The following ODAD1 variants were observed in gnomAD, a reference collection of about 807,000 sequenced individuals.
ODAD1 encodes the protein outer dynein arm-docking complex subunit 1.
In ODAD1, 49 loss-of-function variants were observed where a neutral mutation model predicts 67.2. The observed-to-expected ratio is 0.73, with a 90% CI of 0.58 to 0.92. The LOEUF (loss-of-function observed/expected upper bound fraction) is 0.92, where lower values mean the gene tolerates loss of function less well. Among genes scored for constraint, ODAD1 ranks in the 40% least tolerant of loss-of-function variants. ODAD1 has a pLI of 0.00. For missense variants in ODAD1, 897 were observed against 953.7 expected, an observed-to-expected ratio of 0.94 and a Z score of 0.78; for synonymous variants, 345 against 393.7, an observed-to-expected ratio of 0.88 and a Z score of 1.46.
At chr19:48,309,367 C>T (rs1042012099) in intron 7 of ODAD1, among the ~76,000 whole-genome samples, 7 of 152,198 alleles carry the variant, frequency 4.6e-5, no homozygotes, top group Admixed American at 1.3e-4. Flanking sequence ...CATGGCCACC[C>T]ATGGAGCTAC....
At chr19:48,307,133 G>A (rs559511497) in intron 7 of ODAD1, among the ~76,000 whole-genome samples, 17 of 151,508 alleles carry the variant, frequency 1.1e-4, no homozygotes, top group Admixed American at 9.2e-4. Context: ...GTGGTGAGCC[G>A]AGATCGTGCC....
In ODAD1 at chr19:48,317,610, G is replaced by C. The variant is rs553993100; in HGVS notation, c.360+777C>G. ...GTCCTGTTTTTGAATGCCTGGGACT[G>C]TGCTAAAGCAGCAAACATCTATGTT... is the stretch of plus-strand genomic sequence containing the variant. On this transcript the variant is annotated intron_variant, in intron 5 of 15. Transcript: ENST00000674294. Among the ~76,000 whole-genome samples the C allele has an allele frequency of 7.2e-5, 11 of 152,138 alleles. No homozygotes were observed. The South Asian group carries it at 2.3e-3, about 32-fold the overall frequency.
intron 5 of ODAD1, among the ~76,000 whole-genome samples, chr19:48,317,993 A>C (rs981446230): frequency 6.6e-6 from 1 of 151,822 alleles, no homozygotes; most frequent in Non-Finnish European, 1.5e-5. Context: ...GAATAGCATG[A>C]ACCTGGGAGG....
At chr19:48,302,184 A>C (rs1968481932) in intron 12 of ODAD1, among the ~76,000 whole-genome samples, 2 of 148,256 alleles carry the variant, frequency 1.3e-5, no homozygotes, top group African/African-American at 5.0e-5. Flanking sequence ...AGAACAGATG[A>C]AGGAACAGAC....
intron 8 of ODAD1, among the ~76,000 whole-genome samples, chr19:48,305,491 G>T (rs561868806): frequency 6.8e-6 from 1 of 148,066 alleles, no homozygotes; most frequent in African/African-American, 2.5e-5. Context: ...TGCAACCTCC[G>T]CCCCCAGGGC....
intron 12 of ODAD1, among the ~76,000 whole-genome samples, chr19:48,300,749 C>T (rs956904440): frequency 1.3e-5 from 2 of 152,086 alleles, no homozygotes; most frequent in South Asian, 2.1e-4. Flanking sequence ...ATGGCCAATA[C>T]GATGCTCAAT....
At chr19:48,307,686 G>A (rs8101250) in intron 7 of ODAD1, among the ~76,000 whole-genome samples, 4 of 151,770 alleles carry the variant, frequency 2.6e-5, no homozygotes, top group Non-Finnish European at 5.9e-5. Context: ...GTGGTGGCAG[G>A]TGCCTGTAGT....
chr19:48,308,938 G>A (rs539807072), intron 7 of ODAD1, among the ~76,000 whole-genome samples: 10 of 151,844 alleles, frequency 6.6e-5, no homozygotes, highest in African/African-American at 2.4e-4. Context: ...AGCAGCCGGG[G>A]ACAAGCGAGG....
chr19:48,298,470 A>G, intron 12 of ODAD1, 130 bp from the exon 13 acceptor site: 1 of 899,292 alleles, frequency 1.1e-6, no homozygotes, highest in Non-Finnish European at 1.7e-6. Flanking sequence ...AAAGGGAGTC[A>G]CCCGAGCTCA....
intron 12 of ODAD1, among the ~76,000 whole-genome samples, chr19:48,299,229 T>A (rs1050845346): frequency 1.2e-4 from 18 of 149,722 alleles, no homozygotes; most frequent in Non-Finnish European, 2.5e-4. Context: ...GCCACCATGG[T>A]GAAACCCTGT....
chr19:48,309,162 C>G (rs921819799), intron 7 of ODAD1, among the ~76,000 whole-genome samples: 3 of 152,134 alleles, frequency 2.0e-5, no homozygotes, highest in African/African-American at 7.2e-5. Context: ...CTCACACCCA[C>G]TCTGATCTCA....
At chr19:48,307,462 T>C (rs1968637783) in intron 7 of ODAD1, among the ~76,000 whole-genome samples, 1 of 152,104 alleles carries the variant, frequency 6.6e-6, no homozygotes, top group Admixed American at 6.6e-5. Flanking sequence ...ATATAAAATA[T>C]GTGTGCTTCC....
Position 48,320,347 on chromosome 19 carries a change from C to T in ODAD1, c.22G>A (p.Gly8Arg), listed in dbSNP as rs1187553161. The change falls in exon 3 of 16, where the codon GGG (glycine) becomes AGG (arginine). Residue 8 changes from glycine (G) to arginine (R), a missense_variant. Gly to Arg is a moderately radical substitution (Grantham distance 125, BLOSUM62 -2). Coordinates refer to ENST00000674294, the MANE Select transcript of ODAD1 (RefSeq NM_001364171.2). MPLGRLA[G>R]SARSEEGSEA... The stretch of plus-strand genomic sequence containing the variant: ...CTTCCCTCCTCGGAGCGGGCGCTCC[C>T]TGCCAAGCGTCCCAAAGGCATCCTG... 4.7e-6 allele frequency: 6 copies of T among 1,289,014 alleles called. No individual in the cohort carries two copies. The highest frequency in any genetic ancestry group is 1.5e-5 in the African/African-American group (1 of 65,880). 79.8% of individuals were successfully genotyped at this position (1,289,014 alleles called of 1,614,324 possible). A position where few individuals can be genotyped will look rare whatever the true frequency, so the allele number is the denominator to read the frequency against.
intron 11 of ODAD1, 27 bp downstream of exon 11, chr19:48,302,986 G>A (rs758656819): frequency 6.2e-7 from 1 of 1,609,686 alleles, no homozygotes; most frequent in Non-Finnish European, 8.5e-7. Context: ...AGGAGAGGAG[G>A]AGATGGAGAG....
intron 1 of ODAD1, 71 bp downstream of exon 1, chr19:48,321,607 G>C (rs1450245977): frequency 2.7e-6 from 1 of 370,944 alleles, no homozygotes; most frequent in Admixed American, 4.6e-5. Context: ...ATCGGGAGGC[G>C]CTCAGGCCTT....
At chr19:48,301,158 G>A (rs1242811456) in intron 12 of ODAD1, 1 of 152,244 alleles carries the variant, frequency 6.6e-6, no homozygotes, top group Non-Finnish European at 1.5e-5. Flanking sequence ...GCTGACACTA[G>A]GAAGTGGTGG....
chr19:48,321,456 G>A (rs1049671244), intron 1 of ODAD1: 2 of 200,674 alleles, frequency 1.0e-5, no homozygotes, highest in Non-Finnish European at 2.0e-5. Flanking sequence ...GGGCCGGCGA[G>A]GGGAGGGGCA....
At chr19:48,314,664 G>C (rs1353659902) in intron 5 of ODAD1, among the ~76,000 whole-genome samples, 4 of 152,088 alleles carry the variant, frequency 2.6e-5, no homozygotes, top group African/African-American at 9.7e-5. Flanking sequence ...ATTGTTGGTG[G>C]GCGCAGTGTC....
At chr19:48,313,548 T>C (rs1306519822) in intron 5 of ODAD1, among the ~76,000 whole-genome samples, 2 of 151,612 alleles carry the variant, frequency 1.3e-5, no homozygotes, top group African/African-American at 4.9e-5. Context: ...AATGAGGTAA[T>C]TAAGGTGGGC....
Sources: gnomAD v4.1 joint callset for allele counts (sites outside exome capture counted in the v4.1 genomes callset) on GRCh38, gnomAD v4.1.1 for gene constraint, MANE v1.5 for transcripts, NCBI Gene and HGNC (gene_info 2026-07-23, HGNC 2026-07-21) for gene names.